The following RNF150 variants were observed in gnomAD, a reference collection of about 807,000 sequenced individuals.
The protein encoded by RNF150 is ring finger protein 150.
RNF150 carries 24 observed loss-of-function variants against 39.3 expected under a neutral mutation model. The ratio of observed to expected loss-of-function variants is 0.61; its 90% CI spans 0.44 to 0.86. RNF150 has a LOEUF of 0.86. Among genes scored for constraint, RNF150 ranks in the 40% least tolerant of loss-of-function variants. The pLI is 0.00. For synonymous variants in RNF150, 255 were observed against 227.3 expected, an observed-to-expected ratio of 1.12 and a Z score of -1.10; for missense variants, 502 against 587.8, an observed-to-expected ratio of 0.85 and a Z score of 1.51.
chr4:141,110,517 C>G (rs1172980046), intron 1 of RNF150, among the ~76,000 whole-genome samples: 1 of 150,402 alleles, frequency 6.6e-6, no homozygotes, highest in African/African-American at 2.5e-5. Flanking sequence ...CCTAAAGCTC[C>G]TGGGCTCAAG....
intron 1 of RNF150, among the ~76,000 whole-genome samples, chr4:141,174,072 C>T (rs1727770992): frequency 1.3e-5 from 2 of 152,196 alleles, no homozygotes; most frequent in Non-Finnish European, 2.9e-5. Flanking sequence ...CTTCAGTAGT[C>T]ATTTCCCCAT....
chr4:141,027,675 A>C (rs775908386), intron 1 of RNF150, among the ~76,000 whole-genome samples: 17 of 152,152 alleles, frequency 1.1e-4, no homozygotes, highest in Non-Finnish European at 1.5e-4. Flanking sequence ...CCTGTCTTCC[A>C]GCTGAGTGTT....
At chr4:140,963,629 G>T (rs1178035005) in intron 2 of RNF150, among the ~76,000 whole-genome samples, 1 of 151,908 alleles carries the variant, frequency 6.6e-6, no homozygotes, top group African/African-American at 2.4e-5. Context: ...ACTATGAACA[G>T]ATTTCATATA....
At chr4:141,139,171 A>G (rs551156990) in intron 1 of RNF150, among the ~76,000 whole-genome samples, 30 of 152,268 alleles carry the variant, frequency 2.0e-4, no homozygotes, top group Admixed American at 1.6e-3. Context: ...GCCATGACCA[A>G]TCACGCCACT....
At chr4:140,947,250 G>A (rs1044113564) in intron 4 of RNF150, among the ~76,000 whole-genome samples, 52 of 151,658 alleles carry the variant, frequency 3.4e-4, no homozygotes, top group African/African-American at 1.3e-3. Flanking sequence ...TTACCACACT[G>A]TTCATGTTCA....
At chr4:140,966,222 C>A (rs1389513240) in intron 2 of RNF150, among the ~76,000 whole-genome samples, 2 of 151,996 alleles carry the variant, frequency 1.3e-5, no homozygotes, top group African/African-American at 4.8e-5. Context: ...TGCCTGTAAT[C>A]CTAGCTACTT....
chr4:141,041,832 C>G (rs1041345728), intron 1 of RNF150, among the ~76,000 whole-genome samples: 1 of 151,898 alleles, frequency 6.6e-6, no homozygotes, highest in Non-Finnish European at 1.5e-5. Context: ...AGCCTTAGAC[C>G]ATCTACAAAG....
chr4:141,081,732 A>G (rs1407569743), intron 1 of RNF150, among the ~76,000 whole-genome samples: 2 of 152,202 alleles, frequency 1.3e-5, no homozygotes, highest in Non-Finnish European at 2.9e-5. Flanking sequence ...TACTTAGAGA[A>G]TTAACTGATA....
At chr4:140,878,511 G>A (rs1317582229) in intron 6 of RNF150, among the ~76,000 whole-genome samples, 1 of 152,096 alleles carries the variant, frequency 6.6e-6, no homozygotes, top group Admixed American at 6.6e-5. Flanking sequence ...GATGATCGGT[G>A]ATGTTAAGTA....
intron 1 of RNF150, among the ~76,000 whole-genome samples, chr4:141,181,963 C>T (rs1356389751): frequency 3.3e-5 from 5 of 152,114 alleles, no homozygotes; most frequent in Non-Finnish European, 7.3e-5. Flanking sequence ...TCAGTTCCAA[C>T]CTAAGGAGAG....
chr4:140,902,230 G>T (rs992179407), intron 6 of RNF150, among the ~76,000 whole-genome samples: 1 of 152,132 alleles, frequency 6.6e-6, no homozygotes, highest in Non-Finnish European at 1.5e-5. Flanking sequence ...GAATGAACAG[G>T]GATGGTGATT....
intron 5 of RNF150, among the ~76,000 whole-genome samples, chr4:140,917,877 A>AT (rs1353608128): frequency 6.6e-6 from 1 of 152,024 alleles, no homozygotes; most frequent in Non-Finnish European, 1.5e-5. Context: ...AGAACTCCGG[A>AT]TTAAGAAACT....
chr4:141,140,710 T>C (rs926003421), intron 1 of RNF150, among the ~76,000 whole-genome samples: 4 of 152,202 alleles, frequency 2.6e-5, no homozygotes, highest in Non-Finnish European at 5.9e-5. Flanking sequence ...GGACAGCTGT[T>C]AGACACAAGC....
At chr4:140,892,981 T>C (rs1427650510) in intron 6 of RNF150, among the ~76,000 whole-genome samples, 1 of 152,036 alleles carries the variant, frequency 6.6e-6, no homozygotes, top group Admixed American at 6.5e-5. Context: ...GGTAAGAGGA[T>C]TGCTTGAGCC....
intron 1 of RNF150, among the ~76,000 whole-genome samples, chr4:141,074,566 A>G (rs1368140747): frequency 2.0e-5 from 3 of 152,166 alleles, no homozygotes; most frequent in Non-Finnish European, 4.4e-5. Flanking sequence ...GACTAGAGTA[A>G]TAAAAGGAAG....
intron 1 of RNF150, among the ~76,000 whole-genome samples, chr4:140,987,593 T>C (rs936031080): frequency 1.3e-5 from 2 of 151,998 alleles, no homozygotes; most frequent in African/African-American, 4.8e-5. Context: ...ACCCTTCCCA[T>C]TCACACATAC....
At chr4:141,156,733 C>A (rs1278129300) in intron 1 of RNF150, among the ~76,000 whole-genome samples, 4 of 14,356 alleles carry the variant, frequency 2.8e-4, no homozygotes, top group African/African-American at 6.8e-4. Context: ...GTCTCTACTA[C>A]TAAAAAAAAA....
chr4:141,196,239 T>G (rs1728199229), intron 1 of RNF150, among the ~76,000 whole-genome samples: 1 of 152,194 alleles, frequency 6.6e-6, no homozygotes, highest in African/African-American at 2.4e-5. Context: ...AAAAAAACCC[T>G]GATCCCCTTA....
Position 140,864,995 on chromosome 4 carries a change from T to C in RNF150, c.*3266A>G, listed in dbSNP as rs930320439. Reference sequence around the variant, plus strand: ...GGTGTCCAGTTCTCCCTGGAGGTAATTAAGCTTTTAACCTTCTTTTCTTTT... The same window carrying C: ...GGTGTCCAGTTCTCCCTGGAGGTAACTAAGCTTTTAACCTTCTTTTCTTTT... On this transcript the variant is annotated 3_prime_UTR_variant, in exon 7 of 7. Transcript: ENST00000515673. 1.3e-5 allele frequency: 2 copies of C among 152,210 alleles called. No homozygotes were observed. Among genetic ancestry groups the C allele is most frequent in the African/African-American group, 4.8e-5 (2 of 41,446 alleles). 9.4% of individuals were successfully genotyped at this position (152,210 alleles called of 1,614,324 possible).
Sources: gnomAD v4.1 joint callset for allele counts (sites outside exome capture counted in the v4.1 genomes callset) on GRCh38, gnomAD v4.1.1 for gene constraint, MANE v1.5 for transcripts, NCBI Gene and HGNC (gene_info 2026-07-23, HGNC 2026-07-21) for gene names.